Variants in THADA observed in about 807,000 individuals in gnomAD.
The protein encoded by THADA is THADA armadillo repeat containing.
A neutral mutation model predicts 219.8 loss-of-function variants in THADA; 213 were observed. That is an observed-to-expected ratio of 0.97 (90% CI 0.87 to 1.09). The LOEUF is 1.09. Among genes scored for constraint, THADA ranks in the 50% least tolerant of loss-of-function variants. THADA has a pLI of 0.00. For synonymous variants in THADA, 1,018 were observed against 828.9 expected (o/e 1.23, Z -3.92); for missense variants, 2,956 against 2,311.3 (o/e 1.28, Z -5.72).
At chr2:43,307,590 A>G (rs1360087468) in intron 31 of THADA, among the ~76,000 whole-genome samples, 1 of 152,226 alleles carries the variant, frequency 6.6e-6, no homozygotes, top group African/African-American at 2.4e-5. Context: ...CCTCAGAAGG[A>G]TCCTGTTAGA....
Position 43,574,919 on chromosome 2 carries a change from C to T in THADA, c.1146G>A (p.Leu382=). The T allele has an allele frequency of 6.2e-7, 1 of 1,613,990 alleles. No homozygotes were observed. Among genetic ancestry groups the T allele is most frequent in the South Asian group, 1.1e-5 (1 of 91,084 alleles). ...ESSSPSLTDS[L]NGNSSIVGRL... Reference sequence around the variant, plus strand: ...TCCCAACTATACTTGAATTCCCATTCAGGCTGTCCGTTAGGCTCGGGGAAC... The same window carrying T: ...TCCCAACTATACTTGAATTCCCATTTAGGCTGTCCGTTAGGCTCGGGGAAC... Residue 382 remains leucine, a synonymous_variant, in exon 11 of 38, where the codon CTG becomes CTA. Coordinates refer to ENST00000405975, the MANE Select transcript of THADA (RefSeq NM_022065.5).
At chr2:43,352,691 GAGAA>G (rs1668421354) in intron 29 of THADA, among the ~76,000 whole-genome samples, 1 of 152,078 alleles carries the variant, frequency 6.6e-6, no homozygotes, top group Non-Finnish European at 1.5e-5. Context: ...GAGAGAGAAA[GAGAA>G]AGAGAGAGAG....
intron 31 of THADA, among the ~76,000 whole-genome samples, chr2:43,312,573 T>G (rs528741811): frequency 1.3e-5 from 2 of 152,294 alleles, no homozygotes; most frequent in South Asian, 4.1e-4. Context: ...TATATTATTC[T>G]GACTTCTGAA....
intron 9 of THADA, among the ~76,000 whole-genome samples, chr2:43,578,147 A>G (rs961812072): frequency 6.6e-6 from 1 of 151,414 alleles, no homozygotes; most frequent in African/African-American, 2.4e-5. Flanking sequence ...CTTTAAAAAT[A>G]TTTTTAATTT....
chr2:43,270,573 A>T (rs1672006136), intron 36 of THADA, among the ~76,000 whole-genome samples: 1 of 152,102 alleles, frequency 6.6e-6, no homozygotes, highest in Admixed American at 6.5e-5. Context: ...CTCAGAGAGG[A>T]TCTGAGAGTG....
intron 31 of THADA, among the ~76,000 whole-genome samples, chr2:43,305,028 G>T (rs541310052): frequency 6.6e-6 from 1 of 152,262 alleles, no homozygotes; most frequent in Non-Finnish European, 1.5e-5. Flanking sequence ...TTAAAGAATT[G>T]TAGCATTGGT....
chr2:43,451,366 A>C (rs941381792), intron 26 of THADA, among the ~76,000 whole-genome samples: 2 of 152,174 alleles, frequency 1.3e-5, no homozygotes, highest in Non-Finnish European at 2.9e-5. Context: ...CTATCTTTCC[A>C]ACCTACAGAA....
At chr2:43,503,164 C>T (rs188977729) in intron 24 of THADA, among the ~76,000 whole-genome samples, 1 of 152,248 alleles carries the variant, frequency 6.6e-6, no homozygotes, top group African/African-American at 2.4e-5. Flanking sequence ...ATAACAGCAT[C>T]AGATTGAATA....
intron 31 of THADA, among the ~76,000 whole-genome samples, chr2:43,311,469 A>G (rs2104438768): frequency 6.6e-6 from 1 of 152,352 alleles, no homozygotes; most frequent in African/African-American, 2.4e-5. Context: ...TTCTTCAAAA[A>G]GTTAAACTTA....
At chr2:43,369,783 G>T (rs1558651743) in intron 29 of THADA, among the ~76,000 whole-genome samples, 1 of 152,200 alleles carries the variant, frequency 6.6e-6, no homozygotes, top group African/African-American at 2.4e-5. Flanking sequence ...AACAACCAGA[G>T]ATCTGAAGAC....
At chr2:43,310,215 C>CCCCCCCT (rs1677330574) in intron 31 of THADA, among the ~76,000 whole-genome samples, 1 of 82,244 alleles carries the variant, frequency 1.2e-5, no homozygotes, top group African/African-American at 5.8e-5. Context: ...CCCTCCCTCC[C>CCCCCCCT]TCCCTTTCCC....
chr2:43,266,765 G>C (rs975004013), intron 36 of THADA, among the ~76,000 whole-genome samples: 3 of 152,278 alleles, frequency 2.0e-5, no homozygotes, highest in East Asian at 1.9e-4. Flanking sequence ...GACTGGAAAG[G>C]CTTTGTGGGA....
chr2:43,460,951 G>A (rs990466864), intron 26 of THADA, among the ~76,000 whole-genome samples: 1 of 152,202 alleles, frequency 6.6e-6, no homozygotes, highest in Non-Finnish European at 1.5e-5. Flanking sequence ...AGGAGTGTGG[G>A]GAGGCTGTAG....
At chr2:43,291,065 C>T (rs1390621633) in intron 34 of THADA, among the ~76,000 whole-genome samples, 2 of 151,816 alleles carry the variant, frequency 1.3e-5, no homozygotes, top group Non-Finnish European at 2.9e-5. Context: ...AATAAAGAGT[C>T]CAGCTAGAGA....
intron 7 of THADA, among the ~76,000 whole-genome samples, chr2:43,586,137 T>C (rs1444959861): frequency 1.3e-5 from 2 of 151,956 alleles, no homozygotes; most frequent in African/African-American, 2.4e-5. Flanking sequence ...TGGTGGTGCA[T>C]GCCTGTAGTC....
intron 26 of THADA, among the ~76,000 whole-genome samples, chr2:43,478,905 T>G (rs1328245548): frequency 9.9e-5 from 15 of 152,204 alleles, no homozygotes. Flanking sequence ...TAGGCCAAAG[T>G]GTCAGTACAG....
rs1298860255 is a variant in THADA, at chr2:43,286,782, T to A, written c.5164+126A>T. 6.5e-6 allele frequency: 7 copies of A among 1,081,760 alleles called. No homozygotes were observed. The Admixed American group carries it at 1.7e-4, about 26-fold the overall frequency. The allele number at this position is 1,081,760 out of a possible 1,614,324, so 67.0% of individuals were successfully genotyped here. On this transcript the variant is annotated intron_variant, in intron 35 of 37. Coordinates refer to ENST00000405975, the MANE Select transcript of THADA (RefSeq NM_022065.5). ...AGAGCATGAACTAAGACGGTAGGAA[T>A]ATAACTGAAAGACATAAAGGCAGGT...
chr2:43,322,270 G>T (rs575357141), intron 30 of THADA, among the ~76,000 whole-genome samples: 13 of 152,200 alleles, frequency 8.5e-5, no homozygotes, highest in African/African-American at 3.1e-4. Context: ...TTGGGAGGCT[G>T]AGGTGGGTGG....
rs1046784502 is a variant in THADA at position 43,541,200 on chromosome 2, G to A, written c.3223C>T (p.Pro1075Ser). 4 of 1,606,022 alleles carry A rather than the reference G, an allele frequency of 2.5e-6. No homozygotes were observed. The Admixed American group carries it at 5.1e-5, about 21-fold the overall frequency. Residue 1075 changes from proline (P) to serine (S), a missense_variant, in exon 21 of 38, where the codon CCT becomes TCT. Coordinates refer to ENST00000405975, the MANE Select transcript of THADA (RefSeq NM_022065.5). ...AATCCATCAGAAGATTCTGGCACAG[G>A]CTGCATGGGCAGAAGCTGGCACAAC... ...GMLCQLLPMQ[P>S]VPESSDGLLT... is the part of the protein sequence containing the mutation.
Sources: gnomAD v4.1 joint callset for allele counts (sites outside exome capture counted in the v4.1 genomes callset) on GRCh38, gnomAD v4.1.1 for gene constraint, MANE v1.5 for transcripts, NCBI Gene and HGNC (gene_info 2026-07-23, HGNC 2026-07-21) for gene names.